MCPH1: variants seen among roughly 807,000 people sequenced by gnomAD.
MCPH1 encodes microcephalin.
A neutral mutation model predicts 84.5 loss-of-function variants in MCPH1; 104 were observed. The ratio of observed to expected loss-of-function variants is 1.23; its 90% CI spans 1.05 to 1.45. The LOEUF (loss-of-function observed/expected upper bound fraction) is 1.45, where lower values mean the gene tolerates loss of function less well. MCPH1 is among the 40% of genes most tolerant of loss of function. The pLI is 0.00. For missense variants in MCPH1, 1,498 were observed against 1,005.7 expected (o/e 1.49, Z -6.62); for synonymous variants, 514 against 366.8 (o/e 1.40, Z -4.58).
Position 6,644,080 on chromosome 8 carries a change from T to A in MCPH1, c.*1031T>A, listed in dbSNP as rs1465210526. The A allele has an allele frequency of 6.6e-6, 1 of 151,980 alleles. No individual in the cohort carries two copies. Among genetic ancestry groups the A allele is most frequent in the African/African-American group, 2.4e-5 (1 of 41,334 alleles). The allele number at this position is 151,980 out of a possible 1,614,324, so 9.4% of individuals were successfully genotyped here. A position where few individuals can be genotyped will look rare whatever the true frequency, so the allele number is the denominator to read the frequency against. On this transcript the variant is annotated 3_prime_UTR_variant, in exon 14 of 14. Coordinates refer to ENST00000344683, the MANE Select transcript of MCPH1 (RefSeq NM_024596.5). ...AGCCTGACCAACGCAGCAAAACCCA[T>A]CTCTACTAAAAATACAAAAATCAGC...
In MCPH1 at chr8:6,539,389, G is replaced by A. The variant is rs189412817; in HGVS notation, c.2214+39460G>A. On this transcript the variant is annotated intron_variant, in intron 12 of 13. Coordinates refer to ENST00000344683, the MANE Select transcript of MCPH1 (RefSeq NM_024596.5). ...TTCAGTGTAAGGCCCTAGAAGTTGAGGCAAAAGCTAAAGGCCGAGGGAGGG... is the reference window on the plus strand; with the variant it reads ...TTCAGTGTAAGGCCCTAGAAGTTGAAGCAAAAGCTAAAGGCCGAGGGAGGG... 3.3e-5 allele frequency among the ~76,000 whole-genome samples: 5 copies of A among 152,262 alleles called. No homozygotes were observed. In the East Asian group the frequency reaches 7.7e-4, roughly 24 times the overall value.
intron 12 of MCPH1, among the ~76,000 whole-genome samples, chr8:6,518,756 C>T (rs1008505228): frequency 6.6e-6 from 1 of 152,154 alleles, no homozygotes; most frequent in Admixed American, 6.5e-5. Flanking sequence ...CAATATGTAG[C>T]TGCTTTTACA....
chr8:6,550,919 G>C (rs147476778), intron 12 of MCPH1, among the ~76,000 whole-genome samples: 2 of 152,180 alleles, frequency 1.3e-5, no homozygotes. Context: ...AGCCCAAGGA[G>C]CCCAAGGGGA....
At chr8:6,437,571 G>A (rs1388658837) in intron 5 of MCPH1, among the ~76,000 whole-genome samples, 3 of 152,184 alleles carry the variant, frequency 2.0e-5, no homozygotes, top group Admixed American at 1.3e-4. Context: ...ACAGAACTGG[G>A]TAGAACACTT....
intron 12 of MCPH1, among the ~76,000 whole-genome samples, chr8:6,580,160 G>C (rs1440939756): frequency 1.3e-5 from 2 of 152,184 alleles, no homozygotes; most frequent in Non-Finnish European, 2.9e-5. Flanking sequence ...TGTCCACCAA[G>C]GTTCTTGGGC....
At chr8:6,467,707 C>A (rs1264300074) in intron 9 of MCPH1, among the ~76,000 whole-genome samples, 1 of 152,182 alleles carries the variant, frequency 6.6e-6, no homozygotes. Flanking sequence ...GTGATCCCTC[C>A]AGCCTTGGCC....
chr8:6,508,985 T>C (rs774353163), intron 12 of MCPH1: 1 of 1,614,206 alleles, frequency 6.2e-7, no homozygotes, highest in African/African-American at 1.3e-5. Context: ...GTCTCCATCC[T>C]TTGTGCTAAA....
rs1798043701 is a variant in MCPH1 at position 6,643,127 on chromosome 8, G to A, written c.*78G>A. On this transcript the variant is annotated 3_prime_UTR_variant, in exon 14 of 14. Coordinates refer to ENST00000344683, the MANE Select transcript of MCPH1 (RefSeq NM_024596.5). ...GGATGTTCAAATGAGAAACAAAACT[G>A]TGAAGAGAAGGAACTGGCGTATACA... 1 of 1,250,718 alleles carries A rather than the reference G, an allele frequency of 8.0e-7. No homozygotes were observed. The allele number at this position is 1,250,718 out of a possible 1,614,324, so 77.5% of individuals were successfully genotyped here. A position where few individuals can be genotyped will look rare whatever the true frequency, so the allele number is the denominator to read the frequency against.
At chr8:6,485,910 C>T (rs573369608) in intron 11 of MCPH1, among the ~76,000 whole-genome samples, 1 of 152,178 alleles carries the variant, frequency 6.6e-6, no homozygotes, top group African/African-American at 2.4e-5. Flanking sequence ...TTGATGTTCA[C>T]AGGTTGCTCC....
chr8:6,522,435 A>C (rs1022202077), intron 12 of MCPH1, among the ~76,000 whole-genome samples: 3 of 152,126 alleles, frequency 2.0e-5, no homozygotes, highest in Non-Finnish European at 4.4e-5. Context: ...GTTAACGTTA[A>C]TATAGACATT....
At chr8:6,476,747 AC>A (rs1450164780) in intron 9 of MCPH1, among the ~76,000 whole-genome samples, 38 of 152,272 alleles carry the variant, frequency 2.5e-4, no homozygotes, top group Admixed American at 6.5e-4. Flanking sequence ...CTTCACCTTG[AC>A]TTTTCAAGAC....
At chr8:6,574,592 A>G (rs1343318211) in intron 12 of MCPH1, among the ~76,000 whole-genome samples, 1 of 152,250 alleles carries the variant, frequency 6.6e-6, no homozygotes, top group Admixed American at 6.5e-5. Flanking sequence ...CAGAAAACTA[A>G]AGAAGAAAAT....
At chr8:6,469,227 C>G (rs2442497) in intron 9 of MCPH1, among the ~76,000 whole-genome samples, 1 of 152,062 alleles carries the variant, frequency 6.6e-6, no homozygotes, top group East Asian at 1.9e-4. Context: ...ATTTTCTACA[C>G]TGAACCCATC....
intron 12 of MCPH1, among the ~76,000 whole-genome samples, chr8:6,539,477 G>C (rs1823375): frequency 0.56 from 84,889 of 152,030 alleles, 25,574 homozygotes; most frequent in Non-Finnish European, 0.67. Context: ...GAGCACACTT[G>C]CCTTCACCTG....
chr8:6,535,448 T>G (rs1000423423), intron 12 of MCPH1, among the ~76,000 whole-genome samples: 1 of 152,206 alleles, frequency 6.6e-6, no homozygotes, highest in Admixed American at 6.5e-5. Context: ...CCTTTTTAAA[T>G]TGCTACTTTT....
chr8:6,532,289 TCTAGCTGCAGGGACA>T, intron 12 of MCPH1: 1 of 1,612,796 alleles, frequency 6.2e-7, no homozygotes, highest in South Asian at 1.1e-5. Context: ...AGTGCTAGTC[TCTAGCTGCAGGGACA>T]CCGTGTGCTT....
chr8:6,419,787 C>G (rs780967117), intron 3 of MCPH1, among the ~76,000 whole-genome samples: 22 of 152,248 alleles, frequency 1.4e-4, no homozygotes, highest in African/African-American at 1.9e-4. Context: ...GTGTGAGCCA[C>G]TGCACCCAGC....
At chr8:6,513,794 C>G in intron 12 of MCPH1, 2 of 1,613,786 alleles carry the variant, frequency 1.2e-6, no homozygotes, top group Non-Finnish European at 1.7e-6. Flanking sequence ...TAGTCAGTTG[C>G]GAAACAAACT....
rs1804063718 is a variant in MCPH1, at chr8:6,444,947, G to A, written c.1225G>A (p.Glu409Lys). The A allele has an allele frequency of 6.2e-7, 1 of 1,614,170 alleles. No individual in the cohort carries two copies. Among genetic ancestry groups the A allele is most frequent in the Non-Finnish European group, 8.5e-7 (1 of 1,179,994 alleles). Residue 409 changes from glutamate to lysine, a missense_variant, in exon 8 of 14, where the codon GAG becomes AAG. By Grantham distance (56) the Glu-to-Lys change is moderately conservative (BLOSUM62 1). Coordinates refer to ENST00000344683, the MANE Select transcript of MCPH1 (RefSeq NM_024596.5). ...TGCCCTGGAGGCTCTTAGCTGTGGG[G>A]AGTCTTCATATGATGACTATTTTTC... The part of the protein sequence containing the change: ...GPALEALSCG[E>K]SSYDDYFSPD...
Sources: gnomAD v4.1 joint callset for allele counts (sites outside exome capture counted in the v4.1 genomes callset) on GRCh38, gnomAD v4.1.1 for gene constraint, MANE v1.5 for transcripts, NCBI Gene and HGNC (gene_info 2026-07-23, HGNC 2026-07-21) for gene names.